The following PCDHA4 variants were observed in gnomAD, a reference collection of about 807,000 sequenced individuals.
The protein encoded by PCDHA4 is protocadherin alpha 4.
A neutral mutation model predicts 61.4 loss-of-function variants in PCDHA4; 49 were observed. That is an observed-to-expected ratio of 0.80 (90% CI 0.63 to 1.01). PCDHA4 has a LOEUF of 1.01. PCDHA4 is among the 50% of genes least tolerant of loss of function. The probability of loss-of-function intolerance (pLI) is 0.00; values close to 1 mark genes in which losing one functional copy is unlikely to be tolerated. For synonymous variants in PCDHA4, 590 were observed against 550.3 expected, an observed-to-expected ratio of 1.07 and a Z score of -1.01; for missense variants, 1,254 against 1,235.8, an observed-to-expected ratio of 1.01 and a Z score of -0.22.
chr5:140,884,051 C>T (rs782045843), intron 1 of PCDHA4: 4 of 1,613,308 alleles, frequency 2.5e-6, no homozygotes, highest in Non-Finnish European at 2.5e-6. Context: ...GGCGAAGGTG[C>T]GCGCGGTGGA....
At chr5:140,884,456 G>T in intron 1 of PCDHA4, 2 of 1,613,768 alleles carry the variant, frequency 1.2e-6, no homozygotes, top group Non-Finnish European at 1.7e-6. Context: ...GCCCACCGAG[G>T]GCGCGTGCGC....
intron 1 of PCDHA4, among the ~76,000 whole-genome samples, chr5:140,941,848 G>A (rs2093183003): frequency 6.6e-6 from 1 of 152,142 alleles, no homozygotes; most frequent in South Asian, 2.1e-4. Flanking sequence ...GCCATTACCT[G>A]ATATTCCCTA....
rs140949600 is a variant in PCDHA4, at chr5:140,848,602, C to G, written c.2385+39030C>G. Reference sequence around the variant, plus strand: ...AGCGGCCAGCTCCACTACTCCGTCCCGGAGGAAGCCGAACACGGCACCTTC... The same window carrying G: ...AGCGGCCAGCTCCACTACTCCGTCCGGGAGGAAGCCGAACACGGCACCTTC... On this transcript the variant is annotated intron_variant, in intron 1 of 3. Transcript: ENST00000530339. 8.2e-6 allele frequency: 13 copies of G among 1,593,476 alleles called. 1 individual carries two copies. In the South Asian group the frequency reaches 1.1e-4, roughly 14 times the overall value.
At chr5:140,915,207 A>G (rs1238146165) in intron 1 of PCDHA4, among the ~76,000 whole-genome samples, 2 of 152,154 alleles carry the variant, frequency 1.3e-5, no homozygotes, top group Non-Finnish European at 2.9e-5. Flanking sequence ...TTGGCCTCCC[A>G]AAGTGCTGGG....
chr5:141,006,789 CT>C (rs2098288759), intron 3 of PCDHA4, among the ~76,000 whole-genome samples: 2 of 152,026 alleles, frequency 1.3e-5, no homozygotes, highest in Admixed American at 6.5e-5. Flanking sequence ...GAATAATTAG[CT>C]TTGAACTTTC....
At chr5:140,927,189 G>T in intron 1 of PCDHA4, 1 of 1,614,150 alleles carries the variant, frequency 6.2e-7, no homozygotes. Flanking sequence ...CCTACGACCT[G>T]GTGCTCGAGG....
At position 140,823,656 on chromosome 5, in the gene PCDHA4, A is replaced by T. The variant is rs2150127966; in HGVS notation, c.2385+14084A>T. On this transcript the variant is annotated intron_variant, in intron 1 of 3. Transcript: ENST00000530339. ...TCCCGTTCCGCGTGGGGCTGTACAC[A>T]GGCGAGATCAGCACAACACGCTCTC... 9 of 1,613,854 alleles carry T rather than the reference A, an allele frequency of 5.6e-6. No homozygotes were observed. In the African/African-American group the frequency reaches 8.0e-5, roughly 14 times the overall value.
rs199571672 is a variant in PCDHA4 at position 140,994,794 on chromosome 5, T to C, written c.2533+12231T>C. On this transcript the variant is annotated intron_variant, in intron 3 of 3. Transcript: ENST00000530339. The stretch of plus-strand genomic sequence containing the variant: ...CCAGGCAAAGGAAACAATGCGTGCA[T>C]GCAAAAACAAAATACAAAAAACTGA... Among the ~76,000 whole-genome samples the C allele has an allele frequency of 7.2e-5, 11 of 152,270 alleles. No individual in the cohort carries two copies. The East Asian group carries it at 2.1e-3, about 29-fold the overall frequency.
At chr5:140,819,799 C>A (rs1766628224) in intron 1 of PCDHA4, among the ~76,000 whole-genome samples, 1 of 151,840 alleles carries the variant, frequency 6.6e-6, no homozygotes, top group African/African-American at 2.4e-5. Flanking sequence ...ATATTTTTTC[C>A]AGACTGAGAG....
chr5:140,936,834 T>TA (rs1554211213), intron 1 of PCDHA4, among the ~76,000 whole-genome samples: 1 of 152,210 alleles, frequency 6.6e-6, no homozygotes, highest in African/African-American at 2.4e-5. Context: ...CATTTCTATA[T>TA]AAATTGTAGA....
intron 1 of PCDHA4, chr5:140,828,046 T>C (rs1305424229): frequency 5.8e-6 from 9 of 1,542,498 alleles, no homozygotes; most frequent in Non-Finnish European, 7.0e-6. Flanking sequence ...TATTTTATCT[T>C]TATGCGGAAG....
intron 1 of PCDHA4, chr5:140,877,890 T>C (rs1554170211): frequency 6.9e-7 from 1 of 1,458,078 alleles, no homozygotes; most frequent in Non-Finnish European, 9.0e-7. Flanking sequence ...AGAACTTCCG[T>C]TTAGGTTATA....
At chr5:140,937,070 C>G (rs1363778213) in intron 1 of PCDHA4, among the ~76,000 whole-genome samples, 2 of 147,796 alleles carry the variant, frequency 1.4e-5, no homozygotes, top group Admixed American at 1.4e-4. Context: ...CGGAGTCTCG[C>G]TCTGTCGCCC....
intron 3 of PCDHA4, among the ~76,000 whole-genome samples, chr5:140,987,213 CAA>C (rs58319157): frequency 9.3e-5 from 11 of 118,826 alleles, no homozygotes; most frequent in African/African-American, 1.6e-4. Flanking sequence ...GACTCCATCT[CAA>C]AAAAAAAAAA....
intron 1 of PCDHA4, among the ~76,000 whole-genome samples, chr5:140,914,094 T>A (rs563496078): frequency 6.9e-4 from 105 of 152,324 alleles, no homozygotes; most frequent in African/African-American, 2.5e-3. Context: ...GTCAATTTGT[T>A]CTATAGTGCA....
At chr5:140,821,106 A>G (rs1334946350) in intron 1 of PCDHA4, among the ~76,000 whole-genome samples, 1 of 152,190 alleles carries the variant, frequency 6.6e-6, no homozygotes, top group African/African-American at 2.4e-5. Flanking sequence ...AAATGTCACT[A>G]TTAAACAGTG....
Position 140,809,167 on chromosome 5 carries a change from G to A in PCDHA4, c.1980G>A (p.Thr660=), listed in dbSNP as rs782582127. The A allele has an allele frequency of 8.7e-6, 14 of 1,613,872 alleles. 1 individual carries two copies. The South Asian group carries it at 8.8e-5, about 10-fold the overall frequency. ...LVKDHGEPAL[T]ATATVLVSLV... is the part of the protein sequence containing the mutation. The stretch of plus-strand genomic sequence containing the variant: ...AGGACCACGGCGAGCCCGCGCTGAC[G>A]GCCACGGCCACTGTGCTGGTGTCAC... Residue 660 remains threonine, a synonymous_variant, in exon 1 of 4, where the codon ACG becomes ACA. Coordinates refer to ENST00000530339, the MANE Select transcript of PCDHA4 (RefSeq NM_018907.4).
chr5:140,849,451 C>T lies in PCDHA4; in HGVS notation c.2385+39879C>T, dbSNP rs2150437889. 5.7e-6 allele frequency: 9 copies of T among 1,586,410 alleles called. 1 individual carries two copies. Among genetic ancestry groups the T allele is most frequent in the Non-Finnish European group, 7.8e-6 (9 of 1,160,978 alleles). ...GAAGAAAGTAGAGCACACAAGATCCCAGTCGAGGCTGTCGATAAAGGCTTC... is the reference window on the plus strand; with the variant it reads ...GAAGAAAGTAGAGCACACAAGATCCTAGTCGAGGCTGTCGATAAAGGCTTC... On this transcript the variant is annotated intron_variant, in intron 1 of 3. Coordinates refer to ENST00000530339, the MANE Select transcript of PCDHA4 (RefSeq NM_018907.4).
intron 1 of PCDHA4, among the ~76,000 whole-genome samples, chr5:140,924,902 A>AAAAAAAT (rs1554202311): frequency 2.8e-4 from 11 of 39,026 alleles, no homozygotes; most frequent in Non-Finnish European, 5.7e-4. Context: ...CTCAAAAAAA[A>AAAAAAAT]AAATAAAATA....
Sources: allele counts gnomAD v4.1 joint callset (sites outside exome capture counted in the v4.1 genomes callset), GRCh38; gene constraint gnomAD v4.1.1; transcripts MANE v1.5; gene names NCBI Gene and HGNC (gene_info 2026-07-23, HGNC 2026-07-21).